The following GPC3 variants were observed in gnomAD, a reference collection of about 807,000 sequenced individuals.
GPC3 encodes glypican 3.
Under a neutral mutation model 34.4 loss-of-function variants are expected in GPC3, and 3 were observed. The observed-to-expected ratio is 0.09, with a 90% CI of 0.04 to 0.23. The LOEUF (loss-of-function observed/expected upper bound fraction) is 0.23. Ranked by LOEUF, GPC3 falls within the 10% of genes least tolerant of loss-of-function variation. GPC3 has a pLI of 1.00. For missense variants in GPC3, 351 were observed against 445.6 expected, an observed-to-expected ratio of 0.79 and a Z score of 1.91; for synonymous variants, 177 against 174.0, an observed-to-expected ratio of 1.02 and a Z score of -0.13.
At chrX:133,705,572 T>C (rs2071208333) in intron 3 of GPC3, among the ~76,000 whole-genome samples, 1 of 112,240 alleles carries the variant, frequency 8.9e-6, no homozygotes, top group East Asian at 2.8e-4. Context: ...ATGGTAGAGC[T>C]GAGGCTTGAA....
intron 2 of GPC3, among the ~76,000 whole-genome samples, chrX:133,765,818 G>A (rs1039173108): frequency 8.9e-6 from 1 of 111,757 alleles, no homozygotes; most frequent in African/African-American, 3.3e-5. Context: ...CCTCTTACCC[G>A]TTGTTATTGG....
At chrX:133,788,109 T>TATATAC (rs1556306695) in intron 2 of GPC3, among the ~76,000 whole-genome samples, 1 of 89,647 alleles carries the variant, frequency 1.1e-5, no homozygotes, top group East Asian at 3.5e-4. Context: ...TATATATATA[T>TATATAC]ATATATATAT....
chrX:133,621,646 C>T lies in GPC3; in HGVS notation c.1414-25047G>A, dbSNP rs190168462. Reference sequence around the variant, plus strand: ...CTGAGGCTTGACTAGGTAAACAAAGCGGCCAGGAAGCTCAAACTGGGTGGA... The same window carrying T: ...CTGAGGCTTGACTAGGTAAACAAAGTGGCCAGGAAGCTCAAACTGGGTGGA... On this transcript the variant is annotated intron_variant, in intron 6 of 7. Transcript: ENST00000370818. 1.1e-3 allele frequency among the ~76,000 whole-genome samples: 128 copies of T among 112,176 alleles called. 2 individuals carry two copies. Among genetic ancestry groups the T allele is most frequent in the African/African-American group, 3.8e-3 (117 of 30,937 alleles).
Position 133,627,943 on chromosome X carries a change from G to A in GPC3, c.1414-31344C>T, listed in dbSNP as rs188487532. Among the ~76,000 whole-genome samples, 8 of 112,233 alleles carry A rather than the reference G, an allele frequency of 7.1e-5. No individual in the cohort carries two copies. In the East Asian group the frequency reaches 1.7e-3, roughly 24 times the overall value. On this transcript the variant is annotated intron_variant, in intron 6 of 7. Coordinates refer to ENST00000370818, the MANE Select transcript of GPC3 (RefSeq NM_004484.4). Reference sequence around the variant, plus strand: ...TCATTAATTCTCTTTACAAAGAGCCGCTTACAAGACTCCCTGTTTGCACTA... The same window carrying A: ...TCATTAATTCTCTTTACAAAGAGCCACTTACAAGACTCCCTGTTTGCACTA...
chrX:133,727,837 A>AAAT (rs1279517763), intron 3 of GPC3, among the ~76,000 whole-genome samples: 1 of 112,408 alleles, frequency 8.9e-6, no homozygotes, highest in Admixed American at 9.4e-5. Flanking sequence ...ATCATAAAGG[A>AAAT]AATTATACAA....
chrX:133,652,188 C>A (rs1569406170), intron 6 of GPC3, among the ~76,000 whole-genome samples: 1 of 112,213 alleles, frequency 8.9e-6, no homozygotes, highest in East Asian at 2.8e-4. Flanking sequence ...TTCACCAATT[C>A]TTTGTGATGC....
chrX:133,905,710 GGGGT>G (rs1405864944), intron 2 of GPC3, among the ~76,000 whole-genome samples: 1 of 110,524 alleles, frequency 9.0e-6, no homozygotes, highest in African/African-American at 3.3e-5. Flanking sequence ...GTGGGGATTT[GGGGT>G]TAAAAAAAAA....
At chrX:133,889,831 CTTTTTTT>C (rs781203121) in intron 2 of GPC3, among the ~76,000 whole-genome samples, 14 of 75,796 alleles carry the variant, frequency 1.8e-4, no homozygotes, top group African/African-American at 5.7e-4. Flanking sequence ...TTCTAGCCTT[CTTTTTTT>C]TTTTTTTTTT....
At chrX:133,958,740 C>T (rs2124638199) in intron 1 of GPC3, among the ~76,000 whole-genome samples, 1 of 103,343 alleles carries the variant, frequency 9.7e-6, no homozygotes, top group South Asian at 4.6e-4. Context: ...AAAAAAACAG[C>T]CAGGCAATGA....
chrX:133,804,165 T>C (rs1391628413), intron 2 of GPC3, among the ~76,000 whole-genome samples: 4 of 111,721 alleles, frequency 3.6e-5, no homozygotes, highest in Non-Finnish European at 7.5e-5. Flanking sequence ...AACTACCCTC[T>C]TTTGAAAGAA....
chrX:133,650,849 T>G (rs1412233594), intron 6 of GPC3, among the ~76,000 whole-genome samples: 2 of 111,691 alleles, frequency 1.8e-5, no homozygotes, highest in Non-Finnish European at 3.8e-5. Flanking sequence ...CTTTTCAAGA[T>G]AGATGATAGT....
At chrX:133,884,462 T>C (rs2076054517) in intron 2 of GPC3, among the ~76,000 whole-genome samples, 2 of 111,855 alleles carry the variant, frequency 1.8e-5, no homozygotes, top group Non-Finnish European at 3.8e-5. Context: ...TATTAACTTG[T>C]CATTGAATTA....
At chrX:133,786,344 G>A (rs1236693954) in intron 2 of GPC3, among the ~76,000 whole-genome samples, 1 of 112,367 alleles carries the variant, frequency 8.9e-6, no homozygotes, top group East Asian at 2.8e-4. Context: ...GCAGTGAGCC[G>A]AGATAGCACC....
At chrX:133,927,542 T>G (rs1316052909) in intron 2 of GPC3, among the ~76,000 whole-genome samples, 1 of 109,706 alleles carries the variant, frequency 9.1e-6, no homozygotes, top group Non-Finnish European at 1.9e-5. Context: ...CTTGATGCAA[T>G]CATGGTTCAC....
At chrX:133,848,221 G>T (rs995211451) in intron 2 of GPC3, among the ~76,000 whole-genome samples, 4 of 112,031 alleles carry the variant, frequency 3.6e-5, no homozygotes. Flanking sequence ...ACACTTTATG[G>T]TTACTGACTC....
In GPC3 at chrX:133,673,658, C is replaced by T. The variant is rs114811593; in HGVS notation, c.1293-11808G>A. On this transcript the variant is annotated intron_variant, in intron 5 of 7. Coordinates refer to ENST00000370818, the MANE Select transcript of GPC3 (RefSeq NM_004484.4). ...GGCCTTGGAGTCAGAGACATGGGTT[C>T]AAAGCTGGTGCCCCCACCTGCTGTG... 2.6e-3 allele frequency among the ~76,000 whole-genome samples: 288 copies of T among 112,155 alleles called. 4 individuals are homozygous for T. The highest frequency in any genetic ancestry group is 9.0e-3 in the African/African-American group (277 of 30,854).
chrX:133,681,951 G>A (rs1185511254), intron 5 of GPC3, among the ~76,000 whole-genome samples: 1 of 112,289 alleles, frequency 8.9e-6, no homozygotes, highest in East Asian at 2.8e-4. Flanking sequence ...ATCACACTCA[G>A]CAGCCTTGTT....
chrX:133,906,377 A>C (rs1347091672), intron 2 of GPC3, among the ~76,000 whole-genome samples: 1 of 112,108 alleles, frequency 8.9e-6, no homozygotes, highest in Non-Finnish European at 1.9e-5. Context: ...CTGTGTATTA[A>C]ATTAAAATAT....
At chrX:133,612,140 ACTT>A (rs1159604585) in intron 6 of GPC3, among the ~76,000 whole-genome samples, 1 of 111,757 alleles carries the variant, frequency 8.9e-6, no homozygotes, top group Non-Finnish European at 1.9e-5. Flanking sequence ...CTAATCAAGT[ACTT>A]CTTCTTCCCA....
Sources: allele counts gnomAD v4.1 joint callset (sites outside exome capture counted in the v4.1 genomes callset), GRCh38; gene constraint gnomAD v4.1.1; transcripts MANE v1.5; gene names NCBI Gene and HGNC (gene_info 2026-07-23, HGNC 2026-07-21).